The following COIL variants were observed in gnomAD, a reference collection of about 807,000 sequenced individuals.
The protein encoded by COIL is coilin p80.
In COIL, 28 loss-of-function variants were observed where a neutral mutation model predicts 51.6. The ratio of observed to expected loss-of-function variants is 0.54; its 90% confidence interval spans 0.40 to 0.74. The LOEUF (loss-of-function observed/expected upper bound fraction) is 0.74, where lower values mean the gene tolerates loss of function less well. Ranked by LOEUF, COIL falls within the 30% of genes least tolerant of loss-of-function variation. The pLI is 0.00. For synonymous variants in COIL, 233 were observed against 255.8 expected (o/e 0.91, Z 0.85); for missense variants, 667 against 685.9 (o/e 0.97, Z 0.31).
intron 1 of COIL, among the ~76,000 whole-genome samples, chr17:56,956,554 C>T (rs904317236): frequency 6.6e-6 from 1 of 152,074 alleles, no homozygotes; most frequent in African/African-American, 2.4e-5. Flanking sequence ...ACATGCCTGG[C>T]CCATCTCTAA....
intron 1 of COIL, among the ~76,000 whole-genome samples, chr17:56,959,575 A>G (rs1239810560): frequency 1.3e-5 from 2 of 152,208 alleles, no homozygotes; most frequent in Non-Finnish European, 2.9e-5. Context: ...CACTTATTTG[A>G]GAGAATCCCA....
In COIL at chr17:56,939,039, C is replaced by T. The variant is rs960640604; in HGVS notation, c.*32G>A. 1 of 1,187,694 alleles carries T rather than the reference C, an allele frequency of 8.4e-7. No homozygotes were observed. Among genetic ancestry groups the T allele is most frequent in the Non-Finnish European group, 1.2e-6 (1 of 821,016 alleles). The allele number at this position is 1,187,694 out of a possible 1,614,324, so 73.6% of individuals were successfully genotyped here. On this transcript the variant is annotated 3_prime_UTR_variant, in exon 7 of 7. Transcript: ENST00000240316. ...GTTATAGTCACTTTCACAAACAAGA[C>T]ATTCATAAACTATAAGGTGGAGAGG...
At chr17:56,948,329 CG>C (rs1910290386) in intron 4 of COIL, among the ~76,000 whole-genome samples, 1 of 151,306 alleles carries the variant, frequency 6.6e-6, no homozygotes, top group Admixed American at 6.6e-5. Context: ...TTACTAGAGA[CG>C]GGGTTTCACT....
At chr17:56,939,190 T>C (rs1310692221) in intron 6 of COIL, 36 bp from the exon 7 acceptor site, 1 of 1,127,850 alleles carries the variant, frequency 8.9e-7, no homozygotes. Flanking sequence ...TTTAGGCACT[T>C]CATTTTGAGG....
intron 1 of COIL, 22 bp from the exon 2 acceptor site, chr17:56,951,018 A>G: frequency 1.3e-6 from 2 of 1,574,668 alleles, no homozygotes; most frequent in Non-Finnish European, 1.7e-6. Flanking sequence ...ACAAGAGAGA[A>G]AGCTAGAGTG....
chr17:56,953,817 TGATATCAGGAGTAG>T (rs1273975955), intron 1 of COIL, among the ~76,000 whole-genome samples: 46 of 152,256 alleles, frequency 3.0e-4, no homozygotes, highest in African/African-American at 1.1e-3. Context: ...TAAGAGTTAC[TGATATCAGGAGTAG>T]GAGAAAGAGA....
At chr17:56,951,295 G>A (rs963698312) in intron 1 of COIL, 4 of 250,082 alleles carry the variant, frequency 1.6e-5, no homozygotes, top group Non-Finnish European at 3.0e-5. Context: ...TTTACAGATC[G>A]CAAAATTACA....
intron 1 of COIL, among the ~76,000 whole-genome samples, chr17:56,959,904 G>A (rs989592517): frequency 6.6e-6 from 1 of 152,220 alleles, no homozygotes; most frequent in African/African-American, 2.4e-5. Flanking sequence ...GAAGCATCCC[G>A]GGAAGGATGC....
intron 1 of COIL, among the ~76,000 whole-genome samples, chr17:56,954,314 G>A (rs1285844218): frequency 6.6e-6 from 1 of 152,060 alleles, no homozygotes; most frequent in African/African-American, 2.4e-5. Context: ...AATAATCTCA[G>A]CACTTTGGGA....
At chr17:56,951,428 A>AGG (rs137942542) in intron 1 of COIL, 3,689 of 156,592 alleles carry the variant, frequency 0.024, 150 homozygotes, top group African/African-American at 0.084. Flanking sequence ...CTACCCTAAA[A>AGG]GGTGATAATG....
intron 4 of COIL, among the ~76,000 whole-genome samples, chr17:56,947,691 G>C (rs943987154): frequency 1.3e-5 from 2 of 152,128 alleles, no homozygotes; most frequent in South Asian, 4.1e-4. Context: ...GGCTGGTCTC[G>C]AACTCCTGAC....
chr17:56,960,047 C>T (rs1361312840), intron 1 of COIL, among the ~76,000 whole-genome samples: 1 of 152,114 alleles, frequency 6.6e-6, no homozygotes, highest in Non-Finnish European at 1.5e-5. Flanking sequence ...CCCGTCTCTA[C>T]TAAAAATACA....
Position 56,950,752 on chromosome 17 carries a change from T to C in COIL, c.490A>G (p.Arg164Gly). 1.2e-6 allele frequency: 2 copies of C among 1,614,072 alleles called. No homozygotes were observed. The highest frequency in any genetic ancestry group is 1.7e-6 in the Non-Finnish European group (2 of 1,180,034). Residue 164 changes from arginine (R) to glycine (G), a missense_variant, in exon 2 of 7, where the codon AGA (arginine) becomes GGA (glycine). Arg to Gly is a moderately radical substitution (Grantham distance 125). Coordinates refer to ENST00000240316, the MANE Select transcript of COIL (RefSeq NM_004645.3). ...TDQTVSKKNK[R>G]KNKATCGTVG... Reference sequence around the variant, plus strand: ...GTGCCACAGGTTGCTTTATTTTTTCTCTTGTTTTTTTTGCTGACAGTCTGA... The same window carrying C: ...GTGCCACAGGTTGCTTTATTTTTTCCCTTGTTTTTTTTGCTGACAGTCTGA...
intron 6 of COIL, among the ~76,000 whole-genome samples, chr17:56,939,462 A>C (rs979300578): frequency 6.6e-6 from 1 of 152,078 alleles, no homozygotes; most frequent in African/African-American, 2.4e-5. Context: ...AAAACAAAAA[A>C]AAAGAGGCCA....
chr17:56,945,663 T>A (rs1219137838), intron 5 of COIL, among the ~76,000 whole-genome samples: 2 of 152,224 alleles, frequency 1.3e-5, no homozygotes, highest in Non-Finnish European at 2.9e-5. Flanking sequence ...GCTCTTTTTT[T>A]AATAAACCAT....
At chr17:56,958,648 T>C (rs1454961077) in intron 1 of COIL, among the ~76,000 whole-genome samples, 1 of 146,574 alleles carries the variant, frequency 6.8e-6, no homozygotes, top group Non-Finnish European at 1.5e-5. Flanking sequence ...AGTATAATTA[T>C]AGTTAGCACA....
intron 1 of COIL, among the ~76,000 whole-genome samples, chr17:56,953,505 C>G (rs1910421888): frequency 6.6e-6 from 1 of 151,812 alleles, no homozygotes; most frequent in Non-Finnish European, 1.5e-5. Flanking sequence ...CACTAGAGCC[C>G]AGGAGGTCCA....
In COIL at chr17:56,950,781, G is replaced by A. The variant is rs566197019; in HGVS notation, c.461C>T (p.Thr154Ile). The change falls in exon 2 of 7, where the codon ACA (threonine) becomes ATA (isoleucine). Residue 154 changes from threonine (T) to isoleucine (I), a missense_variant. Transcript: ENST00000240316. ...GTTTTTTTTGCTGACAGTCTGATCTGTGACAGCTTTTGGTTCCAGATCCAA... is the reference window on the plus strand; with the variant it reads ...GTTTTTTTTGCTGACAGTCTGATCTATGACAGCTTTTGGTTCCAGATCCAA... ...KVLDLEPKAVTDQTVSKKNKR... is the reference protein window; with the variant it reads ...KVLDLEPKAVIDQTVSKKNKR... 29 of 1,613,812 alleles carry A rather than the reference G, an allele frequency of 1.8e-5. 1 individual carries two copies. The South Asian group carries it at 3.1e-4, about 17-fold the overall frequency.
chr17:56,949,514 T>C lies in COIL; in HGVS notation c.1441-80A>G. ...CCCACAGCTCCTCCATCATGCCATG[T>C]TGGCGTGTCCACCCCGACCAGTCTG... On this transcript the variant is annotated intron_variant, in intron 3 of 6. Transcript: ENST00000240316. 2.0e-6 allele frequency: 3 copies of C among 1,478,430 alleles called. No homozygotes were observed. In the East Asian group the frequency reaches 6.8e-5, roughly 33 times the overall value. The allele number at this position is 1,478,430 out of a possible 1,614,324, so 91.6% of individuals were successfully genotyped here. A position where few individuals can be genotyped will look rare whatever the true frequency, so the allele number is the denominator to read the frequency against.
Sources: gnomAD v4.1 joint callset for allele counts (sites outside exome capture counted in the v4.1 genomes callset) on GRCh38, gnomAD v4.1.1 for gene constraint, MANE v1.5 for transcripts, NCBI Gene and HGNC (gene_info 2026-07-23, HGNC 2026-07-21) for gene names.